Variants in RASGRF2 observed in about 807,000 individuals in gnomAD.
The protein encoded by RASGRF2 is Ras protein specific guanine nucleotide releasing factor 2, also known as ras-specific guanine nucleotide-releasing factor 2.
Under a neutral mutation model 151.0 loss-of-function variants are expected in RASGRF2, and 76 were observed. The ratio of observed to expected loss-of-function variants is 0.50; its 90% CI spans 0.42 to 0.61. RASGRF2 has a LOEUF of 0.61. RASGRF2 is among the 20% of genes least tolerant of loss of function. RASGRF2 has a pLI of 0.00. For missense variants in RASGRF2, 1,148 were observed against 1,564.6 expected, an observed-to-expected ratio of 0.73 and a Z score of 4.49; for synonymous variants, 504 against 566.5, an observed-to-expected ratio of 0.89 and a Z score of 1.57.
intron 2 of RASGRF2, among the ~76,000 whole-genome samples, chr5:81,066,312 G>A (rs1303868632): frequency 6.6e-6 from 1 of 151,908 alleles, no homozygotes; most frequent in Non-Finnish European, 1.5e-5. Flanking sequence ...TTGCTGACAC[G>A]GTTCTTTTCT....
At chr5:80,972,534 C>T (rs1457457238) in intron 1 of RASGRF2, among the ~76,000 whole-genome samples, 3 of 151,982 alleles carry the variant, frequency 2.0e-5, no homozygotes, top group Non-Finnish European at 4.4e-5. Context: ...GGCTGGAGTG[C>T]AGTGGTATGA....
intron 3 of RASGRF2, among the ~76,000 whole-genome samples, chr5:81,069,179 C>T (rs1158301912): frequency 6.6e-6 from 1 of 152,180 alleles, no homozygotes; most frequent in African/African-American, 2.4e-5. Flanking sequence ...GTGGGGTTTT[C>T]GCCTTCTGCT....
At chr5:81,009,392 G>C (rs1749381792) in intron 1 of RASGRF2, among the ~76,000 whole-genome samples, 1 of 152,148 alleles carries the variant, frequency 6.6e-6, no homozygotes, top group South Asian at 2.1e-4. Context: ...TCCAGATATA[G>C]CATCACATAT....
chr5:81,027,265 G>A (rs972481030), intron 1 of RASGRF2, among the ~76,000 whole-genome samples: 4 of 152,068 alleles, frequency 2.6e-5, no homozygotes, highest in Admixed American at 1.3e-4. Context: ...ATCAATATTT[G>A]TTCATCAACT....
chr5:80,976,765 G>A (rs114477536), intron 1 of RASGRF2, among the ~76,000 whole-genome samples: 1,753 of 152,276 alleles, frequency 0.012, 29 homozygotes, highest in African/African-American at 0.037. Flanking sequence ...CTATGGTACA[G>A]CTCTTGACTC....
chr5:81,216,369 G>GCA (rs1043898848), intron 24 of RASGRF2, among the ~76,000 whole-genome samples: 422 of 144,244 alleles, frequency 2.9e-3, no homozygotes, highest in Non-Finnish European at 4.4e-3. Context: ...ACACACACAC[G>GCA]CACACACACA....
At chr5:81,072,274 G>A (rs1334506295) in intron 4 of RASGRF2, among the ~76,000 whole-genome samples, 1 of 152,182 alleles carries the variant, frequency 6.6e-6, no homozygotes, top group African/African-American at 2.4e-5. Flanking sequence ...GTGTTAAAAT[G>A]TGGTTAATTT....
chr5:81,103,486 G>A (rs941249749), intron 12 of RASGRF2, among the ~76,000 whole-genome samples: 11 of 152,044 alleles, frequency 7.2e-5, no homozygotes, highest in Middle Eastern at 3.4e-3. Context: ...ATACATTTCT[G>A]GAATGAGAAT....
In RASGRF2 at chr5:80,999,996, C is replaced by T. The variant is rs555603765; in HGVS notation, c.288+38970C>T. ...ATGGGGAGGTCTCTTCTGTGTTCCA[C>T]GATATCTGGGACCTCTGCTGGGGCT... is the stretch of plus-strand genomic sequence containing the variant. On this transcript the variant is annotated intron_variant, in intron 1 of 26. Coordinates refer to ENST00000265080, the MANE Select transcript of RASGRF2 (RefSeq NM_006909.3). Among the ~76,000 whole-genome samples the T allele has an allele frequency of 3.3e-5, 5 of 152,276 alleles. No homozygotes were observed. In the East Asian group the frequency reaches 5.8e-4, roughly 18 times the overall value.
chr5:81,112,689 C>A lies in RASGRF2; in HGVS notation c.1918C>A (p.Arg640Ser), dbSNP rs749417265. The A allele has an allele frequency of 6.2e-7, 1 of 1,614,180 alleles. No homozygotes were observed. The highest frequency in any genetic ancestry group is 8.5e-7 in the Non-Finnish European group (1 of 1,180,024). ...TLNSCKVPQI[R>S]YASVERLLER... ...CAACTCCTGCAAAGTGCCCCAGATC[C>A]GTTATGCCAGCGTGGAGCGCCTCTT... The change falls in exon 14 of 27, where the codon CGT becomes AGT. Residue 640 changes from arginine to serine, a missense_variant. This residue lies in a region of RASGRF2 where 646 missense variants were observed against 807.4 expected (regional missense o/e 0.80). Transcript: ENST00000265080.
intron 9 of RASGRF2, among the ~76,000 whole-genome samples, chr5:81,089,148 C>A (rs780584639): frequency 6.6e-6 from 1 of 152,106 alleles, no homozygotes; most frequent in African/African-American, 2.4e-5. Context: ...TTTGGTTACT[C>A]CTATTATCAC....
At chr5:81,014,767 G>A (rs1000241251) in intron 1 of RASGRF2, among the ~76,000 whole-genome samples, 1 of 152,128 alleles carries the variant, frequency 6.6e-6, no homozygotes, top group Non-Finnish European at 1.5e-5. Context: ...GGGTATTCCA[G>A]TATAAATATT....
In RASGRF2 at chr5:81,033,591, C is replaced by T. The variant is rs371606261; in HGVS notation, c.289-9286C>T. On this transcript the variant is annotated intron_variant, in intron 1 of 26. Coordinates refer to ENST00000265080, the MANE Select transcript of RASGRF2 (RefSeq NM_006909.3). Reference sequence around the variant, plus strand: ...AAATGGTGCTGGGAAAACTGGCTAGCCACATGTGGAAAGCTGAAACTGGAT... The same window carrying T: ...AAATGGTGCTGGGAAAACTGGCTAGTCACATGTGGAAAGCTGAAACTGGAT... 5.4e-3 allele frequency among the ~76,000 whole-genome samples: 803 copies of T among 148,438 alleles called. 3 individuals carry two copies. Among genetic ancestry groups the T allele is most frequent in the South Asian group, 0.028 (128 of 4,538 alleles).
chr5:80,963,574 T>C (rs1266066115), intron 1 of RASGRF2, among the ~76,000 whole-genome samples: 1 of 152,222 alleles, frequency 6.6e-6, no homozygotes, highest in African/African-American at 2.4e-5. Context: ...GGTGAGCTTT[T>C]TGCAGTGTGG....
At chr5:81,165,873 T>C (rs1019584793) in intron 17 of RASGRF2, among the ~76,000 whole-genome samples, 3 of 144,664 alleles carry the variant, frequency 2.1e-5, no homozygotes, top group Middle Eastern at 3.4e-3. Flanking sequence ...CTATAAGCCC[T>C]GGGACTTATT....
At chr5:81,049,970 A>G (rs1455253878) in intron 2 of RASGRF2, among the ~76,000 whole-genome samples, 1 of 152,148 alleles carries the variant, frequency 6.6e-6, no homozygotes, top group Admixed American at 6.5e-5. Flanking sequence ...ACCCAAACTC[A>G]TGTATTTCTC....
chr5:81,055,338 G>C (rs571679121), intron 2 of RASGRF2, among the ~76,000 whole-genome samples: 11 of 152,156 alleles, frequency 7.2e-5, no homozygotes, highest in East Asian at 1.9e-4. Context: ...TAGCATGAAG[G>C]GCTGTTGAAT....
rs1756006628 is a variant in RASGRF2 at position 81,226,627 on chromosome 5, T to A, written c.*857T>A. ...TGCTGTGGGGAATCATGGGTTTCAG[T>A]GCTGAGTGAAAATCTATACCTAAAA... On this transcript the variant is annotated 3_prime_UTR_variant, in exon 27 of 27. Coordinates refer to ENST00000265080, the MANE Select transcript of RASGRF2 (RefSeq NM_006909.3). The A allele has an allele frequency of 6.6e-6, 1 of 152,236 alleles. No homozygotes were observed. The highest frequency in any genetic ancestry group is 1.9e-4 in the East Asian group (1 of 5,198). 9.4% of individuals were successfully genotyped at this position (152,236 alleles called of 1,614,324 possible). A position where few individuals can be genotyped will look rare whatever the true frequency, so the allele number is the denominator to read the frequency against.
intron 1 of RASGRF2, among the ~76,000 whole-genome samples, chr5:80,991,547 C>A (rs149055013): frequency 1.2e-4 from 19 of 152,274 alleles, no homozygotes; most frequent in African/African-American, 4.1e-4. Flanking sequence ...TCACCTTTTT[C>A]CAGTTTTACC....
Sources: gnomAD v4.1 joint callset for allele counts (sites outside exome capture counted in the v4.1 genomes callset) on GRCh38, gnomAD v4.1.1 for gene constraint, gnomAD v4.1.1 regional missense constraint, MANE v1.5 for transcripts, NCBI Gene and HGNC (gene_info 2026-07-23, HGNC 2026-07-21) for gene names.